Variants in ITGAE observed in about 807,000 individuals in gnomAD.
ITGAE encodes integrin subunit alpha E, also known as integrin alpha-E.
ITGAE carries 99 observed loss-of-function variants against 136.5 expected under a neutral mutation model. That is an observed-to-expected ratio of 0.73 (90% CI 0.62 to 0.86). The LOEUF is 0.86. ITGAE is among the 40% of genes least tolerant of loss of function. ITGAE has a pLI of 0.00. For missense variants in ITGAE, 1,447 were observed against 1,515.3 expected, an observed-to-expected ratio of 0.95 and a Z score of 0.75; for synonymous variants, 613 against 591.8, an observed-to-expected ratio of 1.04 and a Z score of -0.52.
intron 2 of ITGAE, among the ~76,000 whole-genome samples, chr17:3,770,173 G>A (rs1044723935): frequency 1.3e-5 from 2 of 148,180 alleles, no homozygotes; most frequent in Non-Finnish European, 3.0e-5. Context: ...AGGCTGGAGT[G>A]CAATGGCATG....
chr17:3,740,614 C>T (rs372126411), intron 19 of ITGAE, among the ~76,000 whole-genome samples: 1 of 152,212 alleles, frequency 6.6e-6, no homozygotes, highest in South Asian at 2.1e-4. Flanking sequence ...GACCTCAGGT[C>T]ATCCACCCAC....
intron 1 of ITGAE, among the ~76,000 whole-genome samples, chr17:3,797,151 A>ATG (rs2053126587): frequency 4.5e-5 from 1 of 22,410 alleles, no homozygotes; most frequent in Non-Finnish European, 8.8e-5. Flanking sequence ...ATATATATAT[A>ATG]TATATATTTT....
intron 17 of ITGAE, among the ~76,000 whole-genome samples, chr17:3,746,445 T>C (rs192663347): frequency 9.2e-4 from 140 of 151,606 alleles, no homozygotes; most frequent in Non-Finnish European, 1.7e-3. Context: ...TATTTTCTTT[T>C]TTTTTTCTTT....
chr17:3,766,068 T>C (rs1334513429), intron 2 of ITGAE, among the ~76,000 whole-genome samples: 3 of 152,180 alleles, frequency 2.0e-5, no homozygotes, highest in Non-Finnish European at 2.9e-5. Flanking sequence ...TCCTGGATTA[T>C]CTAGGTGGGC....
At chr17:3,790,724 G>A (rs2052917263) in intron 1 of ITGAE, among the ~76,000 whole-genome samples, 2 of 152,206 alleles carry the variant, frequency 1.3e-5, no homozygotes, top group South Asian at 2.1e-4. Context: ...CAACACACGT[G>A]ACCAAACTCT....
rs760097802 is a variant in ITGAE, at chr17:3,723,272, T to C, written c.3237+16A>G. On this transcript the variant is annotated intron_variant, in intron 28 of 30. Transcript: ENST00000263087. ...CAACTGGATAATCAAATCTGGAGCA[T>C]TTCAGTCTCAAACACCTCCTCAGAG... The C allele has an allele frequency of 1.9e-6, 3 of 1,549,940 alleles. No individual in the cohort carries two copies. Among genetic ancestry groups the C allele is most frequent in the Admixed American group, 1.7e-5 (1 of 59,918 alleles).
rs571554124 is a variant in ITGAE, at chr17:3,800,804, G to A, written c.34+307C>T. Reference sequence around the variant, plus strand: ...CAGAGTCAAGGACCTGCCCCAAGTGGGTGCCATGGGGAGAGGGCCTCGGTG... The same window carrying A: ...CAGAGTCAAGGACCTGCCCCAAGTGAGTGCCATGGGGAGAGGGCCTCGGTG... On this transcript the variant is annotated intron_variant, in intron 1 of 30. Coordinates refer to ENST00000263087, the MANE Select transcript of ITGAE (RefSeq NM_002208.5). Among the ~76,000 whole-genome samples the A allele has an allele frequency of 9.8e-5, 15 of 152,330 alleles. No homozygotes were observed. In the South Asian group the frequency reaches 2.5e-3, roughly 25 times the overall value.
rs561850244 is a variant in ITGAE at position 3,745,709 on chromosome 17, T to C, written c.2319+55A>G. 41 of 1,548,784 alleles carry C rather than the reference T, an allele frequency of 2.6e-5. 1 individual carries two copies. The East Asian group carries it at 9.0e-4, about 34-fold the overall frequency. On this transcript the variant is annotated intron_variant, in intron 18 of 30. Coordinates refer to ENST00000263087, the MANE Select transcript of ITGAE (RefSeq NM_002208.5). ...GTGCCCTTCACTGCATCACCTCAAA[T>C]CCTTTCTCAATGACAAAGACCCCTC... is the stretch of plus-strand genomic sequence containing the variant.
chr17:3,724,569 C>A (rs1275210330), intron 26 of ITGAE: 1 of 1,614,176 alleles, frequency 6.2e-7, no homozygotes, highest in South Asian at 1.1e-5. Context: ...AGAAGTCTCC[C>A]TGGACCGAGC....
intron 21 of ITGAE, 105 bp downstream of exon 21, chr17:3,734,712 G>A: frequency 8.0e-6 from 11 of 1,380,460 alleles, no homozygotes; most frequent in Non-Finnish European, 1.1e-5. Flanking sequence ...GGACCAGGAG[G>A]AGGCTGGAGG....
intron 1 of ITGAE, among the ~76,000 whole-genome samples, chr17:3,786,166 C>CAAAAAAA (rs369144318): frequency 1.7e-5 from 1 of 58,434 alleles, no homozygotes; most frequent in African/African-American, 5.5e-5. Flanking sequence ...GACTCCATCT[C>CAAAAAAA]AAAAAAAAAA....
intron 20 of ITGAE, among the ~76,000 whole-genome samples, chr17:3,735,198 G>A (rs530201773): frequency 3.7e-4 from 57 of 152,130 alleles, no homozygotes; most frequent in African/African-American, 1.3e-3. Flanking sequence ...ACGGAGTTTC[G>A]TTCTTGTTGC....
chr17:3,723,939 G>C (rs1429303895), intron 26 of ITGAE, 195 bp from the exon 27 acceptor site: 1 of 1,551,292 alleles, frequency 6.4e-7, no homozygotes, highest in Admixed American at 1.9e-5. Context: ...GCCGGCCATG[G>C]CGGCTTCGCT....
In ITGAE at chr17:3,796,097, GTGTGTGCATCCC is replaced by G. The variant is rs1208019093; in HGVS notation, c.34+5002_34+5013del. ...TGTGCATCCCTGTGTATGCATCCGTGTGTGTGCATCCCTGTGTGCATCCCTGTGTGTGCATCC... is the reference window on the plus strand; with the variant it reads ...TGTGCATCCCTGTGTATGCATCCGTGTGTGTGCATCCCTGTGTGTGCATCC... On this transcript the variant is annotated intron_variant, in intron 1 of 30. Transcript: ENST00000263087. 2.0e-3 allele frequency among the ~76,000 whole-genome samples: 169 copies of G among 85,068 alleles called. 4 individuals are homozygous for G. The highest frequency in any genetic ancestry group is 6.2e-3 in the African/African-American group (86 of 13,948). 55.8% of individuals were successfully genotyped at this position (85,068 alleles called of 152,430 possible).
At chr17:3,754,402 C>T (rs556242578) in intron 12 of ITGAE, among the ~76,000 whole-genome samples, 1 of 152,226 alleles carries the variant, frequency 6.6e-6, no homozygotes, top group East Asian at 1.9e-4. Context: ...CTTCCGAGTA[C>T]GTGGGACTAC....
chr17:3,728,903 G>C (rs968505069), intron 24 of ITGAE, among the ~76,000 whole-genome samples: 3 of 151,852 alleles, frequency 2.0e-5, no homozygotes, highest in Non-Finnish European at 4.4e-5. Context: ...GGGCCTGGTG[G>C]TGTCCACCTG....
At chr17:3,731,958 C>G (rs1437158002) in intron 22 of ITGAE, among the ~76,000 whole-genome samples, 2 of 152,028 alleles carry the variant, frequency 1.3e-5, no homozygotes, top group African/African-American at 2.4e-5. Flanking sequence ...CGCCTGTAAT[C>G]CCAGCTACTC....
rs770907072 is a variant in ITGAE at position 3,753,380 on chromosome 17, A to G, written c.1578T>C (p.Asp526=). 4 of 1,614,170 alleles carry G rather than the reference A, an allele frequency of 2.5e-6. No homozygotes were observed. The highest frequency in any genetic ancestry group is 1.7e-6 in the Non-Finnish European group (2 of 1,180,028). The part of the protein sequence containing the change: ...SELCPVDIDM[D]GSTDFLLVAA... ...CCACCAGCAAGAAGTCCGTGCTTCC[A>G]TCCATGTCAATGTCCACAGGGCACA... The change falls in exon 14 of 31, where the codon GAT becomes GAC. Residue 526 remains aspartate (D), a synonymous_variant. Coordinates refer to ENST00000263087, the MANE Select transcript of ITGAE (RefSeq NM_002208.5).
At position 3,759,477 on chromosome 17, in the gene ITGAE, G is replaced by A. The variant is rs757002351; in HGVS notation, c.791C>T (p.Ala264Val). The change falls in exon 8 of 31, where the codon GCC (alanine) becomes GTC (valine). Residue 264 changes from alanine to valine, a missense_variant. Physicochemically the swap from Ala to Val is moderately conservative, Grantham distance 64. This residue lies in a region of ITGAE where 310 missense variants were observed against 416.1 expected (regional missense o/e 0.74). Coordinates refer to ENST00000263087, the MANE Select transcript of ITGAE (RefSeq NM_002208.5). ...FDLRDSQDVM[A>V]SLARVQNITQ... Reference sequence around the variant, plus strand: ...GATGTTCTGGACTCTGGCGAGGGAGGCCATCACATCCTGGCTGTCCCGAAG... The same window carrying A: ...GATGTTCTGGACTCTGGCGAGGGAGACCATCACATCCTGGCTGTCCCGAAG... 1 of 1,614,030 alleles carries A rather than the reference G, an allele frequency of 6.2e-7. No individual in the cohort carries two copies. The highest frequency in any genetic ancestry group is 1.3e-5 in the African/African-American group (1 of 74,926).
Sources: allele counts gnomAD v4.1 joint callset (sites outside exome capture counted in the v4.1 genomes callset), GRCh38; gene constraint gnomAD v4.1.1; regional missense constraint gnomAD v4.1.1; transcripts MANE v1.5; gene names NCBI Gene and HGNC (gene_info 2026-07-23, HGNC 2026-07-21).